ANKRD53: variants seen among roughly 807,000 people sequenced by gnomAD.
The protein encoded by ANKRD53 is ankyrin repeat domain-containing protein 53.
Under a neutral mutation model 30.1 loss-of-function variants are expected in ANKRD53, and 27 were observed. That is an observed-to-expected ratio of 0.90 (90% CI 0.66 to 1.24). ANKRD53 has a LOEUF of 1.24. ANKRD53 is among the 50% of genes most tolerant of loss of function. The probability of loss-of-function intolerance (pLI) is 0.00; values close to 1 mark genes in which losing one functional copy is unlikely to be tolerated. For missense variants in ANKRD53, 682 were observed against 721.0 expected (o/e 0.95, Z 0.62); for synonymous variants, 286 against 295.4 (o/e 0.97, Z 0.33).
Position 70,982,374 on chromosome 2 carries a change from C to T in ANKRD53, c.783-203C>T, listed in dbSNP as rs1670037783. On this transcript the variant is annotated intron_variant, in intron 4 of 5. Transcript: ENST00000360589. This position sits in a 1 kb window ranked among gnomAD's most constrained non-coding sequence, Gnocchi z 4.2. ...GGCTCCTCAGCAGGAGGGTGGTGACCAGGTCATCAAGGACTTTCGTCTTTC... is the reference window on the plus strand; with the variant it reads ...GGCTCCTCAGCAGGAGGGTGGTGACTAGGTCATCAAGGACTTTCGTCTTTC... 2 of 793,646 alleles carry T rather than the reference C, an allele frequency of 2.5e-6. No individual in the cohort carries two copies. The highest frequency in any genetic ancestry group is 3.9e-6 in the Non-Finnish European group (2 of 517,460). The allele number at this position is 793,646 out of a possible 1,614,324, so 49.2% of individuals were successfully genotyped here.
rs2104848758 is a variant in ANKRD53 at position 70,979,187 on chromosome 2, C to T, written c.261C>T (p.Arg87=). The T allele has an allele frequency of 6.2e-7, 1 of 1,612,876 alleles. No individual in the cohort carries two copies. Among genetic ancestry groups the T allele is most frequent in the East Asian group, 2.2e-5 (1 of 44,870 alleles). Residue 87 remains arginine (R), a synonymous_variant, in exon 2 of 6, where the codon CGC becomes CGT. Transcript: ENST00000360589. ...GCCCTGCCTCGCTCACCCCGCCCCGCGCTGACCCCAGCCCCAGCAAGGAGT... is the reference window on the plus strand; with the variant it reads ...GCCCTGCCTCGCTCACCCCGCCCCGTGCTGACCCCAGCCCCAGCAAGGAGT... ...PRRPASLTPP[R]ADPSPSKESD...
Position 70,979,295 on chromosome 2 carries a change from G to C in ANKRD53, c.369G>C (p.Leu123=). 1 of 1,613,682 alleles carries C rather than the reference G, an allele frequency of 6.2e-7. No homozygotes were observed. The highest frequency in any genetic ancestry group is 8.5e-7 in the Non-Finnish European group (1 of 1,180,046). Residue 123 remains leucine, a synonymous_variant, in exon 2 of 6, where the codon CTG becomes CTC. Transcript: ENST00000360589. The stretch of plus-strand genomic sequence containing the variant: ...CGGCTGTGGGCAACGTGGAATGGCT[G>C]CGATTCTGTCTGAACCAGAGCCTCA... ...FAAAVGNVEW[L]RFCLNQSLRE...
At chr2:70,979,026 G>A (rs919773257) in intron 1 of ANKRD53, 71 bp from the exon 2 acceptor site, 167 of 1,474,658 alleles carry the variant, frequency 1.1e-4, no homozygotes, top group Non-Finnish European at 1.4e-4. Flanking sequence ...CCAGGCGGGG[G>A]CCAGGGATCG....
At chr2:70,980,315 CAACAAAAA>C (rs199897707) in intron 3 of ANKRD53, among the ~76,000 whole-genome samples, 12,920 of 74,376 alleles carry the variant, frequency 0.17, 801 homozygotes, top group Admixed American at 0.33. Context: ...GACTCCGTCT[CAACAAAAA>C]AAAAAAAAAA....
At position 70,982,837 on chromosome 2, in the gene ANKRD53, C is replaced by T. The variant is rs139409766; in HGVS notation, c.903+140C>T. ...GCCACCCTTTCGCCTGTACTCCCACCGGGTACTCTGACTGAAATTCCGCTC... is the reference window on the plus strand; with the variant it reads ...GCCACCCTTTCGCCTGTACTCCCACTGGGTACTCTGACTGAAATTCCGCTC... On this transcript the variant is annotated intron_variant, in intron 5 of 5. Transcript: ENST00000360589. This position sits in a 1 kb window ranked among gnomAD's most constrained non-coding sequence, Gnocchi z 4.2. 4.2e-4 allele frequency: 481 copies of T among 1,138,416 alleles called. 1 individual carries two copies. The African/African-American group carries it at 6.3e-3, about 15-fold the overall frequency. 70.5% of individuals were successfully genotyped at this position (1,138,416 alleles called of 1,614,324 possible).
intron 3 of ANKRD53, among the ~76,000 whole-genome samples, chr2:70,980,318 CAAA>C (rs35991485): frequency 1.3e-5 from 1 of 76,184 alleles, no homozygotes. Flanking sequence ...TCCGTCTCAA[CAAA>C]AAAAAAAAAA....
Position 70,982,319 on chromosome 2 carries a change from A to G in ANKRD53, c.782+219A>G, listed in dbSNP as rs963570078. The stretch of plus-strand genomic sequence containing the variant: ...AGGTCCCCTGCTCTCTGGGTTGATC[A>G]CTGCCCTCCTTTCCTGCCCTGGGGC... On this transcript the variant is annotated intron_variant, in intron 4 of 5. Coordinates refer to ENST00000360589, the MANE Select transcript of ANKRD53 (RefSeq NM_001115116.2). The surrounding 1 kb of genome is among the most constrained non-coding windows in gnomAD (Gnocchi z 4.2). 8.2e-6 allele frequency: 6 copies of G among 728,312 alleles called. No individual in the cohort carries two copies. The African/African-American group carries it at 1.1e-4, about 13-fold the overall frequency. The allele number at this position is 728,312 out of a possible 1,614,324, so 45.1% of individuals were successfully genotyped here. A position where few individuals can be genotyped will look rare whatever the true frequency, so the allele number is the denominator to read the frequency against.
Position 70,979,333 on chromosome 2 carries a change from C to T in ANKRD53, c.407C>T (p.Thr136Ile), listed in dbSNP as rs782190864. ...CLNQSLREIP[T>I]DDKGFTAIHF... The stretch of plus-strand genomic sequence containing the variant: ...AACCAGAGCCTCAGGGAAATCCCCA[C>T]CGACGACAAGGTAAGGTCTTGAGTG... The change falls in exon 2 of 6, where the codon ACC (threonine) becomes ATC (isoleucine). Residue 136 changes from threonine (T) to isoleucine (I), a missense_variant. Transcript: ENST00000360589. The T allele has an allele frequency of 2.5e-6, 4 of 1,613,572 alleles. No homozygotes were observed. The highest frequency in any genetic ancestry group is 3.4e-6 in the Non-Finnish European group (4 of 1,180,040).
chr2:70,979,008 C>A (rs1454426950), intron 1 of ANKRD53, 89 bp from the exon 2 acceptor site: 16 of 1,469,242 alleles, frequency 1.1e-5, no homozygotes, highest in East Asian at 9.8e-5. Context: ...CACTGCCCCG[C>A]CCACCAGCCA....
chr2:70,979,083 G>A lies in ANKRD53; in HGVS notation c.171-14G>A. 1 of 1,571,860 alleles carries A rather than the reference G, an allele frequency of 6.4e-7. No homozygotes were observed. Among genetic ancestry groups the A allele is most frequent in the Non-Finnish European group, 8.6e-7 (1 of 1,164,122 alleles). On this transcript the variant is annotated splice_polypyrimidine_tract_variant and intron_variant, in intron 1 of 5. Coordinates refer to ENST00000360589, the MANE Select transcript of ANKRD53 (RefSeq NM_001115116.2). The stretch of plus-strand genomic sequence containing the variant: ...CGTGGCCCAGAGTCGCTTCCCCACT[G>A]CCCCGCCCTCCAGCCAGCCCCTGCC...
intron 3 of ANKRD53, among the ~76,000 whole-genome samples, chr2:70,980,318 CAAAAAAAAA>C (rs35991485): frequency 1.3e-5 from 1 of 76,212 alleles, no homozygotes; most frequent in Non-Finnish European, 2.7e-5. Context: ...TCCGTCTCAA[CAAAAAAAAA>C]AAAAAAAAAA....
rs782516129 is a variant in ANKRD53 at position 70,985,090 on chromosome 2, A to G, written c.1383A>G (p.Pro461=). The change falls in exon 6 of 6, where the codon CCA becomes CCG. Residue 461 remains proline (P), a synonymous_variant. Transcript: ENST00000360589. The part of the protein sequence containing the change: ...PFEVLLRMLY[P]RVWPYRMKVP... ...AGGTGCTGCTGCGCATGCTGTACCC[A>G]CGTGTATGGCCATACAGAATGAAGG... is the stretch of plus-strand genomic sequence containing the variant. The G allele has an allele frequency of 1.9e-6, 3 of 1,550,750 alleles. No individual in the cohort carries two copies. Among genetic ancestry groups the G allele is most frequent in the Middle Eastern group, 1.7e-4 (1 of 5,992 alleles).
chr2:70,984,146 C>G, intron 5 of ANKRD53: 1 of 1,614,080 alleles, frequency 6.2e-7, no homozygotes, highest in Middle Eastern at 1.7e-4. Context: ...GTGTGCACTT[C>G]CCATTTGCCT....
chr2:70,984,583 G>T, intron 5 of ANKRD53, 28 bp from the exon 6 acceptor site: 2 of 1,607,272 alleles, frequency 1.2e-6, no homozygotes, highest in South Asian at 1.1e-5. Context: ...AGTCCTCCAT[G>T]ACTCTCTTGT....
At chr2:70,984,306 T>A in intron 5 of ANKRD53, 1 of 1,613,582 alleles carries the variant, frequency 6.2e-7, no homozygotes, top group Non-Finnish European at 8.5e-7. Flanking sequence ...CAAGTTGGAG[T>A]CTCACCTAGG....
chr2:70,983,397 A>G (rs1670069212), intron 5 of ANKRD53, among the ~76,000 whole-genome samples: 1 of 152,246 alleles, frequency 6.6e-6, no homozygotes, highest in African/African-American at 2.4e-5. Flanking sequence ...GAGGCTGACA[A>G]GATTTGGCAG....
chr2:70,978,842 C>T lies in ANKRD53; in HGVS notation c.170+27C>T. 1 of 1,547,056 alleles carries T rather than the reference C, an allele frequency of 6.5e-7. No individual in the cohort carries two copies. Among genetic ancestry groups the T allele is most frequent in the East Asian group, 2.4e-5 (1 of 41,124 alleles). ...TGGGTAGCGGGAGAAGGTGTCCCGGCTGCAGGGAGCGAGAACCCGGCCCAG... is the reference window on the plus strand; with the variant it reads ...TGGGTAGCGGGAGAAGGTGTCCCGGTTGCAGGGAGCGAGAACCCGGCCCAG... On this transcript the variant is annotated intron_variant, in intron 1 of 5. Coordinates refer to ENST00000360589, the MANE Select transcript of ANKRD53 (RefSeq NM_001115116.2). The surrounding 1 kb of genome is among the most constrained non-coding windows in gnomAD (Gnocchi z 4.3).
rs1670114380 is a variant in ANKRD53 at position 70,984,618 on chromosome 2, A to C, written c.911A>C (p.His304Pro). ...TGCCCTCTGTTGTTGCAGAAAGAGCACAAAATTCTCAGAGAAGCTGCTATC... is the reference window on the plus strand; with the variant it reads ...TGCCCTCTGTTGTTGCAGAAAGAGCCCAAAATTCTCAGAGAAGCTGCTATC... ...HNYLIEYQKE[H>P]KILREAAIRK... Residue 304 changes from histidine to proline, a missense_variant, in exon 6 of 6, where the codon CAC (histidine) becomes CCC (proline). His to Pro is a moderately conservative substitution (Grantham distance 77). Coordinates refer to ENST00000360589, the MANE Select transcript of ANKRD53 (RefSeq NM_001115116.2). The C allele has an allele frequency of 6.2e-7, 1 of 1,613,838 alleles. No homozygotes were observed. The highest frequency in any genetic ancestry group is 1.1e-5 in the South Asian group (1 of 91,092).
Position 70,978,672 on chromosome 2 carries a change from G to A in ANKRD53, c.27G>A (p.Arg9=). The change falls in exon 1 of 6, where the codon CGG becomes CGA. Residue 9 remains arginine (R), a synonymous_variant. Transcript: ENST00000360589. The surrounding 1 kb of genome is among the most constrained non-coding windows in gnomAD (Gnocchi z 4.3). ...TGGCCTCCGCGGGCAGCACCGCTCGGCGGGCGGGCTCCGGAAGCTGGCACT... is the reference window on the plus strand; with the variant it reads ...TGGCCTCCGCGGGCAGCACCGCTCGACGGGCGGGCTCCGGAAGCTGGCACT... MASAGSTA[R]RAGSGSWHSE... 1 of 1,543,482 alleles carries A rather than the reference G, an allele frequency of 6.5e-7. No homozygotes were observed. The highest frequency in any genetic ancestry group is 8.7e-7 in the Non-Finnish European group (1 of 1,144,942).
Sources: gnomAD v4.1 joint callset for allele counts (sites outside exome capture counted in the v4.1 genomes callset) on GRCh38, gnomAD v4.1.1 for gene constraint, Gnocchi (gnomAD v3.1) non-coding constraint, MANE v1.5 for transcripts, NCBI Gene and HGNC (gene_info 2026-07-23, HGNC 2026-07-21) for gene names.